The following TRMT61B variants were observed in gnomAD, a reference collection of about 807,000 sequenced individuals.
The protein encoded by TRMT61B is tRNA methyltransferase 61B.
TRMT61B carries 56 observed loss-of-function variants against 52.0 expected under a neutral mutation model. The ratio of observed to expected loss-of-function variants is 1.08; its 90% CI spans 0.87 to 1.35. The LOEUF (loss-of-function observed/expected upper bound fraction) is 1.35, where lower values mean the gene tolerates loss of function less well. Ranked by LOEUF, TRMT61B falls within the 40% of genes most tolerant of loss-of-function variation. The probability of loss-of-function intolerance (pLI) is 0.00; values close to 1 mark genes in which losing one functional copy is unlikely to be tolerated. For synonymous variants in TRMT61B, 206 were observed against 220.0 expected (o/e 0.94, Z 0.56); for missense variants, 650 against 577.9 (o/e 1.12, Z -1.28).
At chr2:28,869,524 G>C (rs1669989920) in intron 1 of TRMT61B, 55 bp downstream of exon 1, 2 of 1,215,032 alleles carry the variant, frequency 1.6e-6, no homozygotes, top group Admixed American at 3.8e-5. Flanking sequence ...ACTGAGTACT[G>C]CATCTGTCTT....
intron 3 of TRMT61B, among the ~76,000 whole-genome samples, chr2:28,854,977 G>A (rs1051522513): frequency 3.3e-5 from 5 of 152,046 alleles, no homozygotes; most frequent in African/African-American, 7.3e-5. Flanking sequence ...AGGGAAAGGA[G>A]GTGTCATTTT....
chr2:28,868,753 G>A (rs1005244888), intron 1 of TRMT61B, among the ~76,000 whole-genome samples: 2 of 152,186 alleles, frequency 1.3e-5, no homozygotes, highest in African/African-American at 4.8e-5. Context: ...GGTGGCTCCC[G>A]CCTGTAATCC....
intron 2 of TRMT61B, among the ~76,000 whole-genome samples, chr2:28,862,333 G>GT (rs369559361): frequency 0.84 from 106,038 of 126,854 alleles, 44,860 homozygotes; most frequent in Non-Finnish European, 0.89. Context: ...TTTGAGTTTG[G>GT]TTTTTTTTTT....
chr2:28,866,594 C>G (rs1170409279), intron 1 of TRMT61B, among the ~76,000 whole-genome samples: 7 of 152,174 alleles, frequency 4.6e-5, no homozygotes, highest in Non-Finnish European at 1.0e-4. Context: ...CCACCGCTAA[C>G]CTGCTGTGTG....
chr2:28,852,078 C>T (rs1669131593), intron 4 of TRMT61B, among the ~76,000 whole-genome samples: 1 of 148,988 alleles, frequency 6.7e-6, no homozygotes, highest in Non-Finnish European at 1.5e-5. Flanking sequence ...CTTGGGAGAC[C>T]AGGTGAGCAG....
chr2:28,866,559 G>A (rs1003737211), intron 1 of TRMT61B, among the ~76,000 whole-genome samples: 1 of 152,164 alleles, frequency 6.6e-6, no homozygotes. Flanking sequence ...ACAAGAGATG[G>A]AGCTCAGGCA....
intron 3 of TRMT61B, among the ~76,000 whole-genome samples, chr2:28,857,592 A>T (rs1455940550): frequency 6.6e-6 from 1 of 152,196 alleles, no homozygotes; most frequent in Non-Finnish European, 1.5e-5. Context: ...CTCTTATTTA[A>T]TCCTCAACAA....
In TRMT61B at chr2:28,850,131, G is replaced by C; in HGVS notation, c.*68C>G. 7.0e-7 allele frequency: 1 copy of C among 1,431,758 alleles called. No homozygotes were observed. Among genetic ancestry groups the C allele is most frequent in the South Asian group, 1.2e-5 (1 of 82,258 alleles). 88.7% of individuals were successfully genotyped at this position (1,431,758 alleles called of 1,614,324 possible). ...AAAAATGCCAATCTATGGAAGCAGTGATTTTCAATATAAAGTTCTATTTTG... is the reference window on the plus strand; with the variant it reads ...AAAAATGCCAATCTATGGAAGCAGTCATTTTCAATATAAAGTTCTATTTTG... On this transcript the variant is annotated 3_prime_UTR_variant, in exon 7 of 7. Transcript: ENST00000306108.
chr2:28,854,905 A>C (rs974612834), intron 3 of TRMT61B, among the ~76,000 whole-genome samples: 1 of 152,092 alleles, frequency 6.6e-6, no homozygotes, highest in Non-Finnish European at 1.5e-5. Context: ...GGGTGACAGG[A>C]TAAGACCCTA....
chr2:28,859,493 C>T (rs910000874), intron 3 of TRMT61B, among the ~76,000 whole-genome samples: 11 of 152,178 alleles, frequency 7.2e-5, no homozygotes, highest in Non-Finnish European at 4.4e-5. Context: ...GGAAATTATT[C>T]ATGATCTAGC....
chr2:28,867,473 T>C (rs1669899811), intron 1 of TRMT61B, among the ~76,000 whole-genome samples: 1 of 152,276 alleles, frequency 6.6e-6, no homozygotes, highest in African/African-American at 2.4e-5. Flanking sequence ...AGTGAAGGTA[T>C]TCCCTCAAGC....
At position 28,851,155 on chromosome 2, in the gene TRMT61B, T is replaced by A; in HGVS notation, c.1229A>T (p.Glu410Val). 2 of 1,613,660 alleles carry A rather than the reference T, an allele frequency of 1.2e-6. No individual in the cohort carries two copies. The highest frequency in any genetic ancestry group is 1.7e-6 in the Non-Finnish European group (2 of 1,179,880). Reference sequence around the variant, plus strand: ...TTGTACATCTGTGTTGATTTTAGATTCTACTTTTTGAGCTAAAATTCCATT... The same window carrying A: ...TTGTACATCTGTGTTGATTTTAGATACTACTTTTTGAGCTAAAATTCCATT... The part of the protein sequence containing the change: ...QKNGILAQKV[E>V]SKINTDVQLD... The change falls in exon 5 of 7, where the codon GAA (glutamate) becomes GTA (valine). Residue 410 changes from glutamate to valine, a missense_variant. Glu to Val is a moderately radical substitution (Grantham distance 121). Transcript: ENST00000306108.
chr2:28,854,120 G>T (rs1669238810), intron 3 of TRMT61B, among the ~76,000 whole-genome samples: 1 of 152,060 alleles, frequency 6.6e-6, no homozygotes, highest in South Asian at 2.1e-4. Context: ...TCAGTCAAGG[G>T]ACATCTTATT....
Position 28,870,272 on chromosome 2 carries a change from T to C in TRMT61B, c.6A>G (p.Leu2=), listed in dbSNP as rs1449985092. The C allele has an allele frequency of 3.2e-6, 5 of 1,558,418 alleles. No homozygotes were observed. Among genetic ancestry groups the C allele is most frequent in the South Asian group, 1.2e-5 (1 of 85,838 alleles). ...AGACAGGACCGCGGCACCATGCCAT[T>C]AGCATAGTGTTTCGCGAAGGCGCCG... is the stretch of plus-strand genomic sequence containing the variant. M[L]MAWCRGPVLL... The change falls in exon 1 of 7, where the codon CTA becomes CTG. Residue 2 remains leucine, a synonymous_variant. Coordinates refer to ENST00000306108, the MANE Select transcript of TRMT61B (RefSeq NM_017910.4).
chr2:28,849,874 A>T lies in TRMT61B; in HGVS notation c.*325T>A. ...GTAGTCAATGACCATCAATCAAATA[A>T]AGGAAAGAAAACTAATTTCTTGAAG... On this transcript the variant is annotated 3_prime_UTR_variant, in exon 7 of 7. Transcript: ENST00000306108. 6.3e-7 allele frequency: 1 copy of T among 1,582,490 alleles called. No individual in the cohort carries two copies. The highest frequency in any genetic ancestry group is 8.6e-7 in the Non-Finnish European group (1 of 1,166,940).
At chr2:28,860,450 A>G (rs1300257768) in intron 3 of TRMT61B, among the ~76,000 whole-genome samples, 1 of 152,142 alleles carries the variant, frequency 6.6e-6, no homozygotes, top group Non-Finnish European at 1.5e-5. Context: ...TGGCATCACC[A>G]AGGAATTCTG....
rs140926996 is a variant in TRMT61B, at chr2:28,859,943, T to G, written c.993+1175A>C. Among the ~76,000 whole-genome samples, 204 of 152,220 alleles carry G rather than the reference T, an allele frequency of 1.3e-3. 1 individual carries two copies. Among genetic ancestry groups the G allele is most frequent in the Non-Finnish European group, 2.4e-3 (160 of 67,994 alleles). On this transcript the variant is annotated intron_variant, in intron 3 of 6. Transcript: ENST00000306108. ...GCTGTGCCACTAAAACTATAGGTTT[T>G]AGTTATATCAGAGCTGGAAGCCAGT...
In TRMT61B at chr2:28,850,391, C is replaced by T. The variant is rs1235609357; in HGVS notation, c.1327G>A (p.Asp443Asn). The change falls in exon 6 of 7, where the codon GAT becomes AAT. Residue 443 changes from aspartate to asparagine, a missense_variant. Asp to Asn is a conservative substitution (Grantham distance 23, BLOSUM62 1). Coordinates refer to ENST00000306108, the MANE Select transcript of TRMT61B (RefSeq NM_017910.4). ...TAGGGAAATGATCCATATGGAAAATCAGAATGCGATTCTTCTGTTGTAAAA... is the reference window on the plus strand; with the variant it reads ...TAGGGAAATGATCCATATGGAAAATTAGAATGCGATTCTTCTGTTGTAAAA... The part of the protein sequence containing the change: ...QEDDHEESHS[D>N]FPYGSFPYVA... 6.2e-7 allele frequency: 1 copy of T among 1,606,436 alleles called. No individual in the cohort carries two copies. Among genetic ancestry groups the T allele is most frequent in the Admixed American group, 1.7e-5 (1 of 59,358 alleles).
At chr2:28,857,831 C>T (rs1196956670) in intron 3 of TRMT61B, among the ~76,000 whole-genome samples, 2 of 152,168 alleles carry the variant, frequency 1.3e-5, no homozygotes, top group East Asian at 3.8e-4. Context: ...TATACTTCTA[C>T]AACATATGTA....
Sources: allele counts gnomAD v4.1 joint callset (sites outside exome capture counted in the v4.1 genomes callset), GRCh38; gene constraint gnomAD v4.1.1; transcripts MANE v1.5; gene names NCBI Gene and HGNC (gene_info 2026-07-23, HGNC 2026-07-21).